GAS2: variants seen among roughly 807,000 people sequenced by gnomAD.
The protein encoded by GAS2 is growth arrest specific 2.
GAS2 carries 20 observed loss-of-function variants against 37.5 expected under a neutral mutation model. The observed-to-expected ratio is 0.53, with a 90% CI of 0.37 to 0.77. GAS2 has a LOEUF of 0.77. Ranked by LOEUF, GAS2 falls within the 30% of genes least tolerant of loss-of-function variation. The probability of loss-of-function intolerance (pLI) is 0.00; values close to 1 mark genes in which losing one functional copy is unlikely to be tolerated. For missense variants in GAS2, 336 were observed against 373.4 expected, an observed-to-expected ratio of 0.90 and a Z score of 0.82; for synonymous variants, 144 against 132.2, an observed-to-expected ratio of 1.09 and a Z score of -0.61.
chr11:22,647,273 T>G (rs992505651), intron 1 of GAS2, among the ~76,000 whole-genome samples: 33 of 152,092 alleles, frequency 2.2e-4, no homozygotes, highest in African/African-American at 5.8e-4. Flanking sequence ...TATGGCTGCA[T>G]AGTATTCCAT....
intron 7 of GAS2, among the ~76,000 whole-genome samples, chr11:22,771,600 A>G (rs1034507660): frequency 2.0e-5 from 3 of 152,184 alleles, no homozygotes; most frequent in Non-Finnish European, 2.9e-5. Flanking sequence ...AAACTGGCTC[A>G]TTTTTAGTTT....
At chr11:22,781,865 G>A (rs914163480) in intron 7 of GAS2, among the ~76,000 whole-genome samples, 16 of 152,158 alleles carry the variant, frequency 1.1e-4, no homozygotes, top group Middle Eastern at 3.2e-3. Flanking sequence ...GCTAATTTCA[G>A]TGTTTTAGAA....
rs12274024 is a variant in GAS2 at position 22,713,839 on chromosome 11, A to T, written c.268-12453A>T. Among the ~76,000 whole-genome samples the T allele has an allele frequency of 8.1e-3, 1,237 of 152,316 alleles. 10 individuals are homozygous for T. Among genetic ancestry groups the T allele is most frequent in the African/African-American group, 0.028 (1,181 of 41,568 alleles). On this transcript the variant is annotated intron_variant, in intron 3 of 7. Transcript: ENST00000454584. ...CACCACTACCAAGCCAGCATATAAG[A>T]AATGCTAAAAGGAGTCCTAAATCTT... is the stretch of plus-strand genomic sequence containing the variant.
chr11:22,685,365 T>C (rs1188842315), intron 2 of GAS2, among the ~76,000 whole-genome samples: 2 of 152,230 alleles, frequency 1.3e-5, no homozygotes, highest in Non-Finnish European at 2.9e-5. Context: ...TGGTTAGTTT[T>C]CATTCCCCTT....
At chr11:22,765,556 G>T (rs1034758395) in intron 7 of GAS2, among the ~76,000 whole-genome samples, 1 of 152,148 alleles carries the variant, frequency 6.6e-6, no homozygotes, top group Non-Finnish European at 1.5e-5. Context: ...AAGGCGGGCG[G>T]CTCATGAGAT....
At position 22,700,810 on chromosome 11, in the gene GAS2, T is replaced by G. The variant is rs371852377; in HGVS notation, c.267+15021T>G. ...AATGGTTTCATGAATTTGCTCACCA[T>G]TGAAAATTAGGAAGAAAAATTAAAT... is the stretch of plus-strand genomic sequence containing the variant. On this transcript the variant is annotated intron_variant, in intron 3 of 7. Coordinates refer to ENST00000454584, the MANE Select transcript of GAS2 (RefSeq NM_001143830.3). 6.6e-5 allele frequency among the ~76,000 whole-genome samples: 10 copies of G among 152,300 alleles called. No homozygotes were observed. The East Asian group carries it at 1.7e-3, about 26-fold the overall frequency.
chr11:22,652,676 C>G (rs902460660), intron 1 of GAS2, among the ~76,000 whole-genome samples: 3 of 152,184 alleles, frequency 2.0e-5, no homozygotes, highest in Admixed American at 2.0e-4. Flanking sequence ...TGGGAGTGAC[C>G]CGATTTTCCA....
intron 3 of GAS2, among the ~76,000 whole-genome samples, chr11:22,717,631 C>G (rs1851745530): frequency 6.6e-6 from 1 of 151,842 alleles, no homozygotes; most frequent in African/African-American, 2.4e-5. Context: ...ATAGATGGGA[C>G]TTAACTAAAA....
At position 22,724,347 on chromosome 11, in the gene GAS2, C is replaced by A. The variant is rs11026753; in HGVS notation, c.268-1945C>A. Among the ~76,000 whole-genome samples, 309 of 152,000 alleles carry A rather than the reference C, an allele frequency of 2.0e-3. 9 individuals are homozygous for A. The East Asian group carries it at 0.05, about 25-fold the overall frequency. On this transcript the variant is annotated intron_variant, in intron 3 of 7. Transcript: ENST00000454584. ...TATGTATTATATGTCATTCTACCAG[C>A]TCTCTTGATGTATTTTTGTTTTTTG...
At position 22,726,411 on chromosome 11, in the gene GAS2, T is replaced by C; in HGVS notation, c.387T>C (p.Cys129=). Reference sequence around the variant, plus strand: ...GAGATTTAGGGGTGGATGAAACGTGTCTATTTGAATCGGAAGGTTTGGGTA... The same window carrying C: ...GAGATTTAGGGGTGGATGAAACGTGCCTATTTGAATCGGAAGGTTTGGGTA... ...WCRDLGVDET[C]LFESEGLVLH... is the part of the protein sequence containing the mutation. The change falls in exon 4 of 8, where the codon TGT becomes TGC. Residue 129 remains cysteine (C), a synonymous_variant. Coordinates refer to ENST00000454584, the MANE Select transcript of GAS2 (RefSeq NM_001143830.3). The C allele has an allele frequency of 6.2e-7, 1 of 1,611,992 alleles. No individual in the cohort carries two copies. The highest frequency in any genetic ancestry group is 8.5e-7 in the Non-Finnish European group (1 of 1,179,020).
At chr11:22,793,514 A>G (rs1203545749) in intron 7 of GAS2, among the ~76,000 whole-genome samples, 11 of 152,194 alleles carry the variant, frequency 7.2e-5, no homozygotes, top group Admixed American at 5.2e-4. Context: ...TGCCCCAGAG[A>G]AAATGTTTGG....
intron 3 of GAS2, among the ~76,000 whole-genome samples, chr11:22,724,663 T>C (rs1852109350): frequency 6.6e-6 from 1 of 152,096 alleles, no homozygotes; most frequent in African/African-American, 2.4e-5. Context: ...ACCCTATATA[T>C]GGTTTATATA....
chr11:22,648,163 C>CCATT (rs1214905277), intron 1 of GAS2, among the ~76,000 whole-genome samples: 4 of 152,132 alleles, frequency 2.6e-5, no homozygotes. Flanking sequence ...TTTCCCAGCA[C>CCATT]CATTTATTAA....
rs411591 is a variant in GAS2, at chr11:22,719,835, A to G, written c.268-6457A>G. 3.5e-3 allele frequency among the ~76,000 whole-genome samples: 528 copies of G among 152,168 alleles called. 1 individual carries two copies. The highest frequency in any genetic ancestry group is 0.012 in the African/African-American group (501 of 41,554). On this transcript the variant is annotated intron_variant, in intron 3 of 7. Coordinates refer to ENST00000454584, the MANE Select transcript of GAS2 (RefSeq NM_001143830.3). ...ACCGAATAATCCATTGTCTGACTTT[A>G]CAATCGTTTCTTTATTATTCATCTA...
At chr11:22,738,677 A>T (rs914733869) in intron 5 of GAS2, among the ~76,000 whole-genome samples, 56 of 152,340 alleles carry the variant, frequency 3.7e-4, no homozygotes, top group Non-Finnish European at 7.5e-4. Flanking sequence ...CAAGAAAAAA[A>T]ATAGGTGAAC....
chr11:22,655,138 CTG>C (rs766320946), intron 1 of GAS2, among the ~76,000 whole-genome samples: 3 of 152,124 alleles, frequency 2.0e-5, no homozygotes, highest in Non-Finnish European at 4.4e-5. Context: ...TTTCTGAAGA[CTG>C]TACATTTTCA....
intron 7 of GAS2, among the ~76,000 whole-genome samples, chr11:22,790,523 C>T (rs962283302): frequency 2.0e-5 from 3 of 151,950 alleles, no homozygotes; most frequent in Non-Finnish European, 2.9e-5. Context: ...CCAATGAGGA[C>T]ACTTTCACAA....
At chr11:22,790,590 ATTT>A (rs58284244) in intron 7 of GAS2, among the ~76,000 whole-genome samples, 49 of 111,776 alleles carry the variant, frequency 4.4e-4, no homozygotes, top group Middle Eastern at 4.2e-3. Flanking sequence ...CTTCTTCTCT[ATTT>A]TTTTTTTTTT....
chr11:22,717,780 A>AG (rs1403497191), intron 3 of GAS2, among the ~76,000 whole-genome samples: 1 of 151,706 alleles, frequency 6.6e-6, no homozygotes, highest in East Asian at 1.9e-4. Context: ...AGCAAGAAAA[A>AG]AAAAGAATAT....
Sources: allele counts gnomAD v4.1 joint callset (sites outside exome capture counted in the v4.1 genomes callset), GRCh38; gene constraint gnomAD v4.1.1; transcripts MANE v1.5; gene names NCBI Gene and HGNC (gene_info 2026-07-23, HGNC 2026-07-21).